The following ZNF469 variants were observed in gnomAD, a reference collection of about 807,000 sequenced individuals.
The protein encoded by ZNF469 is zinc finger protein 469.
In ZNF469, 1 loss-of-function variant was observed where a neutral mutation model predicts 1.0. The observed-to-expected ratio is 1.00, with a 90% CI of 0.35 to 4.73. ZNF469 has a LOEUF of 4.73. Among genes scored for constraint, ZNF469 ranks in the 30% most tolerant of loss-of-function variants. The probability of loss-of-function intolerance (pLI) is 0.16; values close to 1 mark genes in which losing one functional copy is unlikely to be tolerated. For synonymous variants in ZNF469, 2,703 were observed against 2,363.4 expected, an observed-to-expected ratio of 1.14 and a Z score of -4.17; for missense variants, 6,100 against 5,356.3, an observed-to-expected ratio of 1.14 and a Z score of -4.33.
At chr16:88,401,861 G>T (rs28590044) in intron 1 of ZNF469, among the ~76,000 whole-genome samples, 98,465 of 143,796 alleles carry the variant, frequency 0.68, 34,411 homozygotes, top group African/African-American at 0.82. Context: ...CAAGGGTGGA[G>T]GAATAGGTAG....
chr16:88,228,827 G>C, the ZNF469 span, among the ~76,000 whole-genome samples: 9 of 152,196 alleles, frequency 5.9e-5, no homozygotes, highest in South Asian at 1.9e-3. Flanking sequence ...GTCATAAATG[G>C]CTTTTATTTT....
At chr16:88,398,384 G>A (rs960333454) in intron 1 of ZNF469, among the ~76,000 whole-genome samples, 8 of 151,128 alleles carry the variant, frequency 5.3e-5, no homozygotes, top group South Asian at 2.1e-4. Context: ...CGTGAGCCAC[G>A]GATGAAGGGA....
chr16:88,103,609 C>G, the ZNF469 span, among the ~76,000 whole-genome samples: 1 of 152,182 alleles, frequency 6.6e-6, no homozygotes, highest in Non-Finnish European at 1.5e-5. Flanking sequence ...TTTCATTTCT[C>G]CTGCATGAAT....
the ZNF469 span, among the ~76,000 whole-genome samples, chr16:88,376,529 G>T: frequency 6.6e-6 from 1 of 152,234 alleles, no homozygotes; most frequent in Admixed American, 6.5e-5. Flanking sequence ...GCCCGTGAAC[G>T]GGCCCATTCA....
At chr16:88,200,106 G>A in the ZNF469 span, among the ~76,000 whole-genome samples, 1 of 144,994 alleles carries the variant, frequency 6.9e-6, no homozygotes, top group Non-Finnish European at 1.5e-5. Flanking sequence ...ACAGGTGACG[G>A]GAGGAGTGCC....
At chr16:88,162,338 A>G in the ZNF469 span, among the ~76,000 whole-genome samples, 3 of 148,522 alleles carry the variant, frequency 2.0e-5, 1 homozygote, top group South Asian at 4.3e-4. Flanking sequence ...GAAAAATAAA[A>G]GAAATAATGA....
the ZNF469 span, among the ~76,000 whole-genome samples, chr16:88,349,534 C>T: frequency 6.7e-6 from 1 of 149,446 alleles, no homozygotes; most frequent in Non-Finnish European, 1.5e-5. Flanking sequence ...AACACAAGTG[C>T]ATACACACCA....
At chr16:88,210,173 G>T in the ZNF469 span, among the ~76,000 whole-genome samples, 5 of 151,874 alleles carry the variant, frequency 3.3e-5, no homozygotes, top group African/African-American at 1.2e-4. Context: ...TGTGTTTAAG[G>T]CCCATTTATA....
chr16:88,423,644 G>T (rs1293624071), intron 1 of ZNF469, among the ~76,000 whole-genome samples: 2 of 152,236 alleles, frequency 1.3e-5, no homozygotes, highest in African/African-American at 4.8e-5. Context: ...CAGAATGTCA[G>T]CAGGGGCTGC....
At chr16:88,302,440 C>G in the ZNF469 span, 2 of 152,210 alleles carry the variant, frequency 1.3e-5, no homozygotes, top group Non-Finnish European at 2.9e-5. Flanking sequence ...TCCTTTGGCC[C>G]GGAAGCGCGG....
At chr16:88,139,978 G>A in the ZNF469 span, among the ~76,000 whole-genome samples, 4 of 152,166 alleles carry the variant, frequency 2.6e-5, no homozygotes, top group African/African-American at 9.7e-5. Context: ...AACTCCTACC[G>A]AGTTTGAGCT....
At chr16:88,251,536 G>GTGT in the ZNF469 span, among the ~76,000 whole-genome samples, 65 of 78,802 alleles carry the variant, frequency 8.2e-4, 5 homozygotes, top group Non-Finnish European at 1.1e-3. Flanking sequence ...TGTCCCTGCT[G>GTGT]TCTTTTTTTT....
chr16:88,435,833 G>A lies in ZNF469; in HGVS notation c.8363G>A (p.Gly2788Asp). ...AGGGCCCACAGCCGATCAGAGGAAG[G>A]TGTCTGGGAGGAGAACACGCCCCCC... ...SSRAHSRSEEGVWEENTPPLG... is the reference protein window; with the variant it reads ...SSRAHSRSEEDVWEENTPPLG... The change falls in exon 3 of 3, where the codon GGT becomes GAT. Residue 2788 changes from glycine to aspartate, a missense_variant. Coordinates refer to ENST00000565624, the MANE Select transcript of ZNF469 (RefSeq NM_001367624.2). The A allele has an allele frequency of 6.4e-7, 1 of 1,550,496 alleles. No homozygotes were observed. Among genetic ancestry groups the A allele is most frequent in the South Asian group, 1.2e-5 (1 of 84,068 alleles).
At chr16:88,348,605 G>A in the ZNF469 span, among the ~76,000 whole-genome samples, 1 of 152,298 alleles carries the variant, frequency 6.6e-6, no homozygotes, top group East Asian at 1.9e-4. Context: ...TGTCCCAGTG[G>A]ACCGGGTCAA....
the ZNF469 span, among the ~76,000 whole-genome samples, chr16:88,236,693 C>T: frequency 4.6e-5 from 7 of 152,090 alleles, no homozygotes; most frequent in Admixed American, 1.3e-4. Flanking sequence ...ATGGCAAAAC[C>T]CCATCTCTAC....
intron 1 of ZNF469, among the ~76,000 whole-genome samples, chr16:88,406,834 C>G (rs1412425608): frequency 6.6e-6 from 1 of 152,186 alleles, no homozygotes; most frequent in Non-Finnish European, 1.5e-5. Context: ...TTGGGGATGA[C>G]ACAGGGTTGG....
the ZNF469 span, among the ~76,000 whole-genome samples, chr16:88,130,980 G>T: frequency 1.3e-5 from 2 of 152,350 alleles, no homozygotes; most frequent in East Asian, 1.9e-4. Flanking sequence ...GGGGACGGGG[G>T]TGCGAGGGGC....
At chr16:88,170,644 C>T in the ZNF469 span, among the ~76,000 whole-genome samples, 22 of 152,046 alleles carry the variant, frequency 1.4e-4, no homozygotes, top group Non-Finnish European at 1.8e-4. The surrounding 1 kb of genome is among the most constrained non-coding windows in gnomAD (Gnocchi z 4.2). Context: ...TAGCATGCTC[C>T]GTCATGTCTA....
the ZNF469 span, among the ~76,000 whole-genome samples, chr16:88,105,810 G>A: frequency 8.5e-5 from 13 of 152,372 alleles, no homozygotes; most frequent in East Asian, 3.9e-4. Context: ...CGTGTGCTAC[G>A]TGGTGGCATC....
Sources: allele counts gnomAD v4.1 joint callset (sites outside exome capture counted in the v4.1 genomes callset), GRCh38; gene constraint gnomAD v4.1.1; non-coding constraint Gnocchi (gnomAD v3.1); transcripts MANE v1.5; gene names NCBI Gene and HGNC (gene_info 2026-07-23, HGNC 2026-07-21).